MARCHF1: variants seen among roughly 807,000 people sequenced by gnomAD.
MARCHF1 encodes membrane associated ring-CH-type finger 1.
MARCHF1 carries 40 observed loss-of-function variants against 54.2 expected under a neutral mutation model. The observed-to-expected ratio is 0.74, with a 90% confidence interval of 0.57 to 0.96. The LOEUF is 0.96. Ranked by LOEUF, MARCHF1 falls within the 40% of genes least tolerant of loss-of-function variation. The pLI, the probability that MARCHF1 is intolerant of heterozygous loss-of-function variation, is 0.00. For missense variants in MARCHF1, 586 were observed against 656.5 expected (o/e 0.89, Z 1.17); for synonymous variants, 236 against 236.3 (o/e 1.00, Z 0.01).
At chr4:164,134,132 T>G (rs1756354911) in intron 1 of MARCHF1, among the ~76,000 whole-genome samples, 2 of 152,174 alleles carry the variant, frequency 1.3e-5, no homozygotes, top group South Asian at 4.1e-4. Context: ...TAAAAATCTT[T>G]TTAGTCAGAT....
intron 1 of MARCHF1, among the ~76,000 whole-genome samples, chr4:164,224,970 T>C (rs1210009423): frequency 6.6e-6 from 1 of 151,998 alleles, no homozygotes; most frequent in Admixed American, 6.6e-5. Flanking sequence ...ACAAAACAAA[T>C]AGACAGACAT....
Position 163,613,026 on chromosome 4 carries a change from C to T in MARCHF1, c.255G>A (p.Leu85=). The T allele has an allele frequency of 1.3e-6, 2 of 1,503,096 alleles. No homozygotes were observed. The highest frequency in any genetic ancestry group is 1.8e-6 in the Non-Finnish European group (2 of 1,135,052). The allele number at this position is 1,503,096 out of a possible 1,614,324, so 93.1% of individuals were successfully genotyped here. The part of the protein sequence containing the change: ...STQDICRSAI[L]HDMSEESFEY... ...CAAATGACTCTTCTGACATGTCATG[C>T]AAGATGGCAGATCTAGACAGAGCAG... The change falls in exon 7 of 10, where the codon TTG becomes TTA. Residue 85 remains leucine (L), a synonymous_variant. Transcript: ENST00000514618.
In MARCHF1 at chr4:163,706,337, C is replaced by A. The variant is rs538704639; in HGVS notation, c.112-5474G>T. On this transcript the variant is annotated intron_variant, in intron 4 of 9. Coordinates refer to ENST00000514618, the MANE Select transcript of MARCHF1 (RefSeq NM_001394959.1). ...TGACCACATAATGAAAAGCCTTCTG[C>A]CAACTTGGAGTACATACTCTAAACT... Among the ~76,000 whole-genome samples, 5 of 152,024 alleles carry A rather than the reference C, an allele frequency of 3.3e-5. No homozygotes were observed. The South Asian group carries it at 1.0e-3, about 32-fold the overall frequency.
rs141208662 is a variant in MARCHF1 at position 163,711,910 on chromosome 4, T to C, written c.112-11047A>G. Among the ~76,000 whole-genome samples the C allele has an allele frequency of 8.6e-3, 1,304 of 152,336 alleles. 20 individuals carry two copies. The highest frequency in any genetic ancestry group is 0.03 in the African/African-American group (1,251 of 41,564). On this transcript the variant is annotated intron_variant, in intron 4 of 9. Coordinates refer to ENST00000514618, the MANE Select transcript of MARCHF1 (RefSeq NM_001394959.1). Reference sequence around the variant, plus strand: ...TGGATAAAAGTCATCTTTAGTATTGTGTAGTCTTATCATTATTACTAATTT... The same window carrying C: ...TGGATAAAAGTCATCTTTAGTATTGCGTAGTCTTATCATTATTACTAATTT...
chr4:163,664,847 C>T (rs1404978021), intron 5 of MARCHF1, among the ~76,000 whole-genome samples: 1 of 151,908 alleles, frequency 6.6e-6, no homozygotes, highest in Non-Finnish European at 1.5e-5. Context: ...GCACAGTATA[C>T]ATAGGGCTTA....
At chr4:164,193,355 T>C (rs980305240) in intron 1 of MARCHF1, among the ~76,000 whole-genome samples, 3 of 152,056 alleles carry the variant, frequency 2.0e-5, no homozygotes, top group African/African-American at 7.2e-5. Context: ...CCTATATCTG[T>C]AACTTCCCAG....
chr4:163,690,972 A>ACC (rs1176500872), intron 5 of MARCHF1, among the ~76,000 whole-genome samples: 1 of 152,214 alleles, frequency 6.6e-6, no homozygotes, highest in African/African-American at 2.4e-5. Context: ...CCCCAAGGCG[A>ACC]CCACTGGGAG....
chr4:163,533,888 C>G (rs1338346199), intron 9 of MARCHF1, among the ~76,000 whole-genome samples: 3 of 151,664 alleles, frequency 2.0e-5, no homozygotes, highest in Non-Finnish European at 4.4e-5. Flanking sequence ...TAGCCATGCC[C>G]AATGGAGTTT....
intron 2 of MARCHF1, among the ~76,000 whole-genome samples, chr4:163,995,047 C>T (rs1298680650): frequency 6.6e-6 from 1 of 152,026 alleles, no homozygotes. Context: ...AAATTCAGTT[C>T]TACCTGGAGA....
At chr4:164,236,470 G>A (rs1732563684) in intron 1 of MARCHF1, among the ~76,000 whole-genome samples, 1 of 151,866 alleles carries the variant, frequency 6.6e-6, no homozygotes, top group African/African-American at 2.4e-5. Flanking sequence ...ACTACGATGG[G>A]GCCATTTTAA....
intron 2 of MARCHF1, among the ~76,000 whole-genome samples, chr4:164,007,262 C>T (rs938878828): frequency 7.1e-5 from 10 of 140,468 alleles, no homozygotes; most frequent in African/African-American, 1.9e-4. Flanking sequence ...AGGAGAATGG[C>T]GTGAACCCGG....
chr4:163,714,457 C>T (rs556683770), intron 4 of MARCHF1, among the ~76,000 whole-genome samples: 15 of 152,204 alleles, frequency 9.9e-5, no homozygotes, highest in Non-Finnish European at 1.0e-4. Context: ...ATGTATTATT[C>T]TACCACCATT....
chr4:164,071,420 A>G (rs1754864898), intron 2 of MARCHF1, among the ~76,000 whole-genome samples: 1 of 151,904 alleles, frequency 6.6e-6, no homozygotes, highest in South Asian at 2.1e-4. Flanking sequence ...TTTATAATTC[A>G]TTTTGAAATA....
chr4:163,900,989 A>G (rs1425384869), intron 3 of MARCHF1, among the ~76,000 whole-genome samples: 2 of 152,324 alleles, frequency 1.3e-5, no homozygotes, highest in African/African-American at 2.4e-5. Context: ...CCTGTCTACC[A>G]TAAAACAAAC....
At chr4:164,101,706 C>T (rs1425965348) in intron 2 of MARCHF1, among the ~76,000 whole-genome samples, 2 of 128,014 alleles carry the variant, frequency 1.6e-5, no homozygotes, top group Admixed American at 1.7e-4. Flanking sequence ...ATCAGAGCGC[C>T]TCTCCTCCTC....
At chr4:163,808,774 G>A (rs1748300551) in intron 4 of MARCHF1, among the ~76,000 whole-genome samples, 1 of 152,036 alleles carries the variant, frequency 6.6e-6, no homozygotes, top group Admixed American at 6.6e-5. Context: ...TCACCACGTT[G>A]GCTAGGCTGG....
chr4:163,781,179 C>T (rs1458508598), intron 4 of MARCHF1, among the ~76,000 whole-genome samples: 2 of 152,112 alleles, frequency 1.3e-5, no homozygotes, highest in Non-Finnish European at 1.5e-5. Context: ...GATGAAACCC[C>T]GTCTCTACTG....
chr4:163,966,567 T>G (rs991422399), intron 3 of MARCHF1, among the ~76,000 whole-genome samples: 1 of 152,122 alleles, frequency 6.6e-6, no homozygotes, highest in Non-Finnish European at 1.5e-5. Flanking sequence ...AGGCAGTCAA[T>G]AAATATTTCT....
intron 1 of MARCHF1, among the ~76,000 whole-genome samples, chr4:164,145,292 A>G (rs190400561): frequency 0.14 from 21,287 of 151,186 alleles, 1,248 homozygotes; most frequent in African/African-American, 0.25. Flanking sequence ...AATCAATAGA[A>G]AAAGAGGGAA....
Sources: gnomAD v4.1 joint callset for allele counts (sites outside exome capture counted in the v4.1 genomes callset) on GRCh38, gnomAD v4.1.1 for gene constraint, MANE v1.5 for transcripts, NCBI Gene and HGNC (gene_info 2026-07-23, HGNC 2026-07-21) for gene names.